Variants in EPHA6 observed in about 807,000 individuals in gnomAD.
EPHA6 encodes EPH receptor A6.
A neutral mutation model predicts 112.0 loss-of-function variants in EPHA6; 50 were observed. The observed-to-expected ratio is 0.45, with a 90% CI of 0.36 to 0.56. EPHA6 has a LOEUF of 0.56. Ranked by LOEUF, EPHA6 falls within the 20% of genes least tolerant of loss-of-function variation. EPHA6 has a pLI of 0.00. For synonymous variants in EPHA6, 529 were observed against 490.7 expected, an observed-to-expected ratio of 1.08 and a Z score of -1.03; for missense variants, 1,280 against 1,417.4, an observed-to-expected ratio of 0.90 and a Z score of 1.56.
intron 10 of EPHA6, among the ~76,000 whole-genome samples, chr3:97,514,292 CAA>C (rs1315506108): frequency 6.6e-6 from 1 of 152,126 alleles, no homozygotes; most frequent in East Asian, 1.9e-4. Context: ...ATAGTATCTT[CAA>C]ATTTCCCTCT....
intron 2 of EPHA6, among the ~76,000 whole-genome samples, chr3:96,902,251 A>G (rs991382807): frequency 6.6e-6 from 1 of 152,222 alleles, no homozygotes; most frequent in Non-Finnish European, 1.5e-5. Context: ...GCAATGTATC[A>G]TCAGTCTTAT....
intron 3 of EPHA6, among the ~76,000 whole-genome samples, chr3:97,190,520 T>C (rs1307762683): frequency 6.6e-6 from 1 of 152,128 alleles, no homozygotes; most frequent in East Asian, 1.9e-4. Context: ...ACATCCCCTT[T>C]ATGTGCTGCC....
intron 10 of EPHA6, among the ~76,000 whole-genome samples, chr3:97,505,953 T>G (rs898032592): frequency 2.0e-5 from 3 of 152,264 alleles, no homozygotes; most frequent in Non-Finnish European, 4.4e-5. Context: ...TGAACTTTTT[T>G]TCATGTGTTT....
At chr3:96,979,283 G>C (rs888330504) in intron 2 of EPHA6, among the ~76,000 whole-genome samples, 1 of 144,910 alleles carries the variant, frequency 6.9e-6, no homozygotes, top group Non-Finnish European at 1.5e-5. Flanking sequence ...TCCCACCTAT[G>C]AGTGAGAACA....
chr3:97,685,547 A>C (rs2032184342), intron 14 of EPHA6, among the ~76,000 whole-genome samples: 1 of 152,146 alleles, frequency 6.6e-6, no homozygotes, highest in Non-Finnish European at 1.5e-5. Flanking sequence ...AGTATGACAG[A>C]GGCCTCCACC....
chr3:97,639,648 C>T (rs1234543212), intron 14 of EPHA6, among the ~76,000 whole-genome samples: 1 of 152,044 alleles, frequency 6.6e-6, no homozygotes, highest in Non-Finnish European at 1.5e-5. Context: ...AAGCTTATAA[C>T]TAAATGTAAT....
chr3:97,275,211 T>G (rs1371134923), intron 5 of EPHA6, among the ~76,000 whole-genome samples: 1 of 151,978 alleles, frequency 6.6e-6, no homozygotes, highest in Non-Finnish European at 1.5e-5. Flanking sequence ...GTAGAAGGGA[T>G]TGAGGTTTGG....
chr3:97,535,579 G>A (rs1384287297), intron 11 of EPHA6, among the ~76,000 whole-genome samples: 2 of 152,110 alleles, frequency 1.3e-5, no homozygotes, highest in Non-Finnish European at 2.9e-5. Context: ...AAATAAATGA[G>A]TGCCTCATTC....
chr3:96,862,348 C>A (rs2107435080), intron 1 of EPHA6, among the ~76,000 whole-genome samples: 1 of 151,938 alleles, frequency 6.6e-6, no homozygotes, highest in Non-Finnish European at 1.5e-5. Context: ...TACTTAGTAA[C>A]TCAGAACCTT....
At chr3:97,479,233 G>A (rs2091460440) in intron 8 of EPHA6, 61 bp from the exon 9 acceptor site, 1 of 1,032,440 alleles carries the variant, frequency 9.7e-7, no homozygotes, top group Non-Finnish European at 1.4e-6. Flanking sequence ...ATTTTAATTG[G>A]TTTTGCATTG....
intron 3 of EPHA6, among the ~76,000 whole-genome samples, chr3:97,063,211 A>G (rs2046076632): frequency 6.6e-6 from 1 of 152,194 alleles, no homozygotes. Context: ...TATATACCCA[A>G]TGGAATATAA....
chr3:96,908,964 G>T (rs2039076781), intron 2 of EPHA6, among the ~76,000 whole-genome samples: 1 of 151,914 alleles, frequency 6.6e-6, no homozygotes, highest in Non-Finnish European at 1.5e-5. Context: ...TGAAGCAGTT[G>T]TGAAGGTTAG....
At chr3:97,081,405 A>G (rs1261916203) in intron 3 of EPHA6, among the ~76,000 whole-genome samples, 1 of 152,000 alleles carries the variant, frequency 6.6e-6, no homozygotes, top group Non-Finnish European at 1.5e-5. Flanking sequence ...ACATTTTTTA[A>G]GAACTACAGA....
intron 2 of EPHA6, among the ~76,000 whole-genome samples, chr3:96,955,373 G>C (rs549576574): frequency 6.6e-6 from 1 of 152,170 alleles, no homozygotes; most frequent in South Asian, 2.1e-4. Context: ...TATGTGCATA[G>C]ACTTGATATT....
chr3:97,675,998 G>C (rs1301652297), intron 14 of EPHA6, among the ~76,000 whole-genome samples: 1 of 152,134 alleles, frequency 6.6e-6, no homozygotes, highest in Non-Finnish European at 1.5e-5. Context: ...ATCTGAAATG[G>C]AAGAATGCAG....
At chr3:96,848,887 CAT>C (rs1487129930) in intron 1 of EPHA6, among the ~76,000 whole-genome samples, 1 of 152,066 alleles carries the variant, frequency 6.6e-6, no homozygotes, top group African/African-American at 2.4e-5. Flanking sequence ...TGTTTAAACA[CAT>C]ATGAAAACAT....
chr3:97,081,396 C>G (rs1470520766), intron 3 of EPHA6, among the ~76,000 whole-genome samples: 1 of 151,860 alleles, frequency 6.6e-6, no homozygotes, highest in South Asian at 2.1e-4. Flanking sequence ...TTCAAAGAAA[C>G]ATTTTTTAAG....
At chr3:97,443,261 T>C (rs1171575704) in intron 6 of EPHA6, among the ~76,000 whole-genome samples, 1 of 151,350 alleles carries the variant, frequency 6.6e-6, no homozygotes, top group Admixed American at 6.6e-5. Flanking sequence ...GAACCATTAA[T>C]ATCCTTTTTT....
At chr3:97,629,079 C>T (rs1350897498) in intron 13 of EPHA6, among the ~76,000 whole-genome samples, 3 of 151,678 alleles carry the variant, frequency 2.0e-5, no homozygotes, top group Non-Finnish European at 4.4e-5. Context: ...CACAGGCATA[C>T]ACCACCGCGC....
Sources: allele counts gnomAD v4.1 joint callset (sites outside exome capture counted in the v4.1 genomes callset), GRCh38; gene constraint gnomAD v4.1.1; transcripts MANE v1.5; gene names NCBI Gene and HGNC (gene_info 2026-07-23, HGNC 2026-07-21).